The following MAP3K2 variants were observed in gnomAD, a reference collection of about 807,000 sequenced individuals.
MAP3K2 encodes MAP/ERK kinase kinase 2.
MAP3K2 carries 24 observed loss-of-function variants against 80.3 expected under a neutral mutation model. The ratio of observed to expected loss-of-function variants is 0.30; its 90% CI spans 0.22 to 0.42. MAP3K2 has a LOEUF of 0.42. Among genes scored for constraint, MAP3K2 ranks in the 10% least tolerant of loss-of-function variants. The pLI, the probability that MAP3K2 is intolerant of heterozygous loss-of-function variation, is 1.00. For synonymous variants in MAP3K2, 244 were observed against 253.7 expected (o/e 0.96, Z 0.36); for missense variants, 608 against 750.1 (o/e 0.81, Z 2.21).
intron 1 of MAP3K2, among the ~76,000 whole-genome samples, chr2:127,374,473 A>G (rs1456220023): frequency 1.3e-5 from 2 of 152,208 alleles, no homozygotes; most frequent in East Asian, 1.9e-4. Context: ...AAACTTATCT[A>G]AACAATTTCA....
At chr2:127,358,564 A>G (rs1686832159) in intron 1 of MAP3K2, among the ~76,000 whole-genome samples, 1 of 152,204 alleles carries the variant, frequency 6.6e-6, no homozygotes, top group Non-Finnish European at 1.5e-5. Context: ...GCATATCCAT[A>G]TGACGGAATA....
chr2:127,312,965 TA>T (rs879814656), intron 15 of MAP3K2, among the ~76,000 whole-genome samples: 331 of 140,126 alleles, frequency 2.4e-3, no homozygotes, highest in South Asian at 5.9e-3. Flanking sequence ...GAATCTCTCT[TA>T]AAAAAAAAAA....
Position 127,307,625 on chromosome 2 carries a change from G to A in MAP3K2, c.1814C>T (p.Pro605Leu). Residue 605 changes from proline (P) to leucine (L), a missense_variant, in exon 17 of 17, where the codon CCT (proline) becomes CTT (leucine). Coordinates refer to ENST00000682094, the MANE Select transcript of MAP3K2 (RefSeq NM_001371910.2). This position sits in a 1 kb window ranked among gnomAD's most constrained non-coding sequence, Gnocchi z 5.4. Reference protein sequence around the residue: ...KRIFVEAKLRPSADELLRHMF... With the variant: ...KRIFVEAKLRLSADELLRHMF... ...GTGCCTTAAGAGTTCATCAGCTGAA[G>A]GTCTCAGTTTGGCCTCTACAAAAAT... is the stretch of plus-strand genomic sequence containing the variant. The A allele has an allele frequency of 6.3e-7, 1 of 1,584,800 alleles. No homozygotes were observed. Among genetic ancestry groups the A allele is most frequent in the Non-Finnish European group, 8.6e-7 (1 of 1,164,864 alleles).
rs1380606860 is a variant in MAP3K2 at position 127,361,249 on chromosome 2, G to C, written c.-65-18055C>G. On this transcript the variant is annotated intron_variant, in intron 1 of 16. Transcript: ENST00000682094. ...AATCGCCTGAACCCGGGAGGCAGAG[G>C]TTGCAGTGGGTGAAGATCACACCAC... is the stretch of plus-strand genomic sequence containing the variant. Among the ~76,000 whole-genome samples the C allele has an allele frequency of 3.4e-5, 5 of 147,948 alleles. 1 individual carries two copies. The Admixed American group carries it at 3.4e-4, about 10-fold the overall frequency.
At chr2:127,327,550 A>G (rs1044244817) in intron 7 of MAP3K2, among the ~76,000 whole-genome samples, 3 of 150,202 alleles carry the variant, frequency 2.0e-5, no homozygotes, top group Non-Finnish European at 3.0e-5. Flanking sequence ...GTCAATTACT[A>G]AAAGGAGATA....
chr2:127,325,581 G>C (rs906532852), intron 9 of MAP3K2, 147 bp downstream of exon 9: 4 of 565,242 alleles, frequency 7.1e-6, no homozygotes, highest in Non-Finnish European at 1.3e-5. Flanking sequence ...CTAGTTCCTC[G>C]GGGGTCAGAG....
rs925038306 is a variant in MAP3K2, at chr2:127,323,932, C to T, written c.808G>A (p.Val270Ile). The part of the protein sequence containing the change: ...KGGTYPRRYH[V>I]SYHHQEYNDG... ...TTATACTCTTGATGATGATATGAAA[C>T]ATGATACCTTCTTGGATATGTTCCT... The change falls in exon 11 of 17, where the codon GTT becomes ATT. Residue 270 changes from valine (V) to isoleucine (I), a missense_variant. Physicochemically the swap from Val to Ile is conservative, Grantham distance 29 (BLOSUM62 3). Coordinates refer to ENST00000682094, the MANE Select transcript of MAP3K2 (RefSeq NM_001371910.2). 4.5e-6 allele frequency: 7 copies of T among 1,561,988 alleles called. No homozygotes were observed. In the African/African-American group the frequency reaches 8.2e-5, roughly 18 times the overall value.
In MAP3K2 at chr2:127,360,294, C is replaced by T. The variant is rs547850566; in HGVS notation, c.-65-17100G>A. Among the ~76,000 whole-genome samples, 6 of 151,840 alleles carry T rather than the reference C, an allele frequency of 4.0e-5. No homozygotes were observed. In the East Asian group the frequency reaches 1.2e-3, roughly 29 times the overall value. On this transcript the variant is annotated intron_variant, in intron 1 of 16. Transcript: ENST00000682094. The stretch of plus-strand genomic sequence containing the variant: ...ACTTCAAAAACAGTACACACATACA[C>T]TGCATGACCCCATTTATACACAATT...
At position 127,318,304 on chromosome 2, in the gene MAP3K2, C is replaced by G; in HGVS notation, c.1059G>C (p.Pro353=). The change falls in exon 13 of 17, where the codon CCG becomes CCC. Residue 353 remains proline (P), a synonymous_variant. Coordinates refer to ENST00000682094, the MANE Select transcript of MAP3K2 (RefSeq NM_001371910.2). The part of the protein sequence containing the change: ...ISPPSRSPRA[P]TNWRLGKLLG... ...GCAGTTTGCCCAATCTCCAGTTGGT[C>G]GGAGCTCGAGGTGCTGAAAAAGAAC... The G allele has an allele frequency of 6.3e-7, 1 of 1,593,240 alleles. No individual in the cohort carries two copies. Among genetic ancestry groups the G allele is most frequent in the Non-Finnish European group, 8.5e-7 (1 of 1,171,910 alleles).
At position 127,322,885 on chromosome 2, in the gene MAP3K2, G is replaced by A. The variant is rs375319695; in HGVS notation, c.839-633C>T. Among the ~76,000 whole-genome samples the A allele has an allele frequency of 6.6e-6, 1 of 150,782 alleles. No individual in the cohort carries two copies. Among genetic ancestry groups the A allele is most frequent in the East Asian group, 2.0e-4 (1 of 5,000 alleles). Reference sequence around the variant, plus strand: ...GCTGGGATTACAGGCATGAGCCACCGCACCTGGCCAGTAATTTTTTTTCTT... The same window carrying A: ...GCTGGGATTACAGGCATGAGCCACCACACCTGGCCAGTAATTTTTTTTCTT... On this transcript the variant is annotated intron_variant, in intron 11 of 16. Transcript: ENST00000682094. This position sits in a 1 kb window ranked among gnomAD's most constrained non-coding sequence, Gnocchi z 4.2.
chr2:127,386,525 C>T (rs918215399), intron 1 of MAP3K2, among the ~76,000 whole-genome samples: 1 of 152,206 alleles, frequency 6.6e-6, no homozygotes, highest in Admixed American at 6.5e-5. Flanking sequence ...TCCCTTTGGG[C>T]ATCAAGGTCA....
Position 127,322,841 on chromosome 2 carries a change from C to T in MAP3K2, c.839-589G>A, listed in dbSNP as rs568217979. ...TACTCCTGACCTCAGGTGATCCACC[C>T]GCCTCGGCCTCCCAAAGTGCTGGGA... On this transcript the variant is annotated intron_variant, in intron 11 of 16. Transcript: ENST00000682094. The surrounding 1 kb of genome is among the most constrained non-coding windows in gnomAD (Gnocchi z 4.2). Among the ~76,000 whole-genome samples the T allele has an allele frequency of 4.6e-5, 7 of 151,758 alleles. No homozygotes were observed. Among genetic ancestry groups the T allele is most frequent in the South Asian group, 4.2e-4 (2 of 4,770 alleles).
intron 4 of MAP3K2, 35 bp from the exon 5 acceptor site, chr2:127,336,004 A>C (rs751518746): frequency 3.1e-6 from 4 of 1,287,834 alleles, no homozygotes. Context: ...TTATTTTCTT[A>C]GGCAAAGTTA....
chr2:127,323,807 A>G (rs969051105), intron 11 of MAP3K2, 95 bp downstream of exon 11: 18 of 529,814 alleles, frequency 3.4e-5, no homozygotes, highest in Non-Finnish European at 5.2e-5. Flanking sequence ...TTCTAATGGT[A>G]TTAACACAAA....
intron 4 of MAP3K2, 60 bp from the exon 5 acceptor site, chr2:127,336,029 A>G: frequency 1.0e-6 from 1 of 956,724 alleles, no homozygotes; most frequent in Admixed American, 2.0e-5. Context: ...ATAAACTTGC[A>G]AAAGTTACCT....
chr2:127,311,750 T>C (rs1685811327), intron 15 of MAP3K2, among the ~76,000 whole-genome samples: 1 of 152,140 alleles, frequency 6.6e-6, no homozygotes, highest in Admixed American at 6.5e-5. Context: ...GGATGAACAA[T>C]AAATTGTTAA....
At chr2:127,346,931 G>A (rs887363476) in intron 1 of MAP3K2, among the ~76,000 whole-genome samples, 18 of 152,230 alleles carry the variant, frequency 1.2e-4, no homozygotes, top group African/African-American at 4.1e-4. Flanking sequence ...GAGGTTGGCA[G>A]TGAGCAGAGA....
upstream of MAP3K2, chr2:127,388,362 G>C (rs934877857): frequency 4.1e-6 from 4 of 985,358 alleles, no homozygotes; most frequent in South Asian, 1.4e-4. Flanking sequence ...AGCTAGCAGA[G>C]GCAGTGACGG....
At position 127,328,712 on chromosome 2, in the gene MAP3K2, T is replaced by C. The variant is rs188849391; in HGVS notation, c.466+1209A>G. On this transcript the variant is annotated intron_variant, in intron 7 of 16. Transcript: ENST00000682094. ...TTTAAGACAGACACTTCGAAGAGAA[T>C]GGTCATAAAATAGCTTCTTCTGGGG... is the stretch of plus-strand genomic sequence containing the variant. 2.0e-3 allele frequency among the ~76,000 whole-genome samples: 302 copies of C among 152,350 alleles called. 2 individuals carry two copies. The highest frequency in any genetic ancestry group is 7.1e-3 in the African/African-American group (295 of 41,586).
Sources: allele counts gnomAD v4.1 joint callset (sites outside exome capture counted in the v4.1 genomes callset), GRCh38; gene constraint gnomAD v4.1.1; non-coding constraint Gnocchi (gnomAD v3.1); transcripts MANE v1.5; gene names NCBI Gene and HGNC (gene_info 2026-07-23, HGNC 2026-07-21).